The following BANP variants were observed in gnomAD, a reference collection of about 807,000 sequenced individuals.
BANP encodes the protein BTG3 associated nuclear protein, also known as protein BANP.
BANP carries 11 observed loss-of-function variants against 68.1 expected under a neutral mutation model. The observed-to-expected ratio is 0.16, with a 90% confidence interval of 0.10 to 0.27. The LOEUF (loss-of-function observed/expected upper bound fraction) is 0.27. Ranked by LOEUF, BANP falls within the 10% of genes least tolerant of loss-of-function variation. BANP has a pLI of 1.00. For synonymous variants in BANP, 329 were observed against 303.2 expected (o/e 1.09, Z -0.88); for missense variants, 504 against 722.7 (o/e 0.70, Z 3.47).
intron 11 of BANP, among the ~76,000 whole-genome samples, chr16:88,060,923 G>T (rs952253437): frequency 2.2e-5 from 3 of 138,274 alleles, no homozygotes; most frequent in African/African-American, 7.9e-5. Context: ...AGCGCCACAG[G>T]CCTCGGGGTG....
At chr16:88,056,350 A>G (rs1445385461) in intron 11 of BANP, among the ~76,000 whole-genome samples, 1 of 152,206 alleles carries the variant, frequency 6.6e-6, no homozygotes, top group Non-Finnish European at 1.5e-5. Flanking sequence ...TTTTTGTCCC[A>G]TTGAATTTCT....
intron 6 of BANP, among the ~76,000 whole-genome samples, chr16:88,012,883 G>A (rs2073536405): frequency 6.6e-6 from 1 of 152,130 alleles, no homozygotes; most frequent in Non-Finnish European, 1.5e-5. Flanking sequence ...ATTCACTGTG[G>A]TCTGACAGTA....
rs190733858 is a variant in BANP at position 88,038,582 on chromosome 16, G to C, written c.1311+571G>C. ...TAGAAAAAGGTGGTTTCGCTCCTGTGTATTGCCGTCAAACTCACAAACTTG... is the reference window on the plus strand; with the variant it reads ...TAGAAAAAGGTGGTTTCGCTCCTGTCTATTGCCGTCAAACTCACAAACTTG... On this transcript the variant is annotated intron_variant, in intron 11 of 13. Transcript: ENST00000682872. Among the ~76,000 whole-genome samples, 14 of 151,936 alleles carry C rather than the reference G, an allele frequency of 9.2e-5. No homozygotes were observed. In the East Asian group the frequency reaches 2.7e-3, roughly 30 times the overall value.
intron 4 of BANP, among the ~76,000 whole-genome samples, chr16:87,991,406 A>T (rs2065874529): frequency 6.6e-6 from 1 of 152,218 alleles, no homozygotes; most frequent in African/African-American, 2.4e-5. Flanking sequence ...ACATTCTAAT[A>T]ATTTGGAGCA....
rs2091701012 is a variant in BANP at position 88,076,836 on chromosome 16, G to A, written c.*175G>A. The A allele has an allele frequency of 8.5e-6, 5 of 588,158 alleles. No homozygotes were observed. The highest frequency in any genetic ancestry group is 4.3e-5 in the South Asian group (2 of 46,570). 36.4% of individuals were successfully genotyped at this position (588,158 alleles called of 1,614,324 possible). On this transcript the variant is annotated 3_prime_UTR_variant, in exon 14 of 14. Transcript: ENST00000682872. ...CCTATCAACTGAAAGAGCAGCCGCC[G>A]CCGCCCCCAGCCGGAGACCCCTTTC...
At chr16:87,981,299 G>A (rs369795049) in intron 3 of BANP, among the ~76,000 whole-genome samples, 172 bp downstream of exon 3, 69 of 152,318 alleles carry the variant, frequency 4.5e-4, no homozygotes, top group African/African-American at 1.6e-3. Context: ...GTTCTAGAAG[G>A]TGGATCCTTC....
chr16:88,061,988 G>C lies in BANP; in HGVS notation c.1312-3279G>C, dbSNP rs567409171. Among the ~76,000 whole-genome samples, 13 of 152,320 alleles carry C rather than the reference G, an allele frequency of 8.5e-5. No homozygotes were observed. In the South Asian group the frequency reaches 1.9e-3, roughly 22 times the overall value. ...CACCTCATTTTTCTAGTATGAGGAA[G>C]CTTCTTTGAAGTGAACATCTAGATT... On this transcript the variant is annotated intron_variant, in intron 11 of 13. Coordinates refer to ENST00000682872, the MANE Select transcript of BANP (RefSeq NM_001386991.1).
intron 11 of BANP, among the ~76,000 whole-genome samples, chr16:88,048,511 C>T (rs529132768): frequency 7.2e-5 from 11 of 151,934 alleles, no homozygotes; most frequent in East Asian, 3.9e-4. Context: ...GCGCTCACCA[C>T]GGATTAAAGA....
At chr16:87,963,641 C>G (rs1028356787) in intron 1 of BANP, among the ~76,000 whole-genome samples, 1 of 152,196 alleles carries the variant, frequency 6.6e-6, no homozygotes, top group African/African-American at 2.4e-5. Flanking sequence ...TGAAGAATGT[C>G]TGCCCTAAAA....
At chr16:88,020,413 C>T (rs1235785888) in intron 7 of BANP, among the ~76,000 whole-genome samples, 8 of 152,208 alleles carry the variant, frequency 5.3e-5, no homozygotes, top group Non-Finnish European at 1.0e-4. Context: ...GCTTGAAACC[C>T]GGGGGTTGCT....
At chr16:87,973,206 C>T (rs144234913) in intron 1 of BANP, among the ~76,000 whole-genome samples, 4 of 151,900 alleles carry the variant, frequency 2.6e-5, no homozygotes, top group East Asian at 1.9e-4. Flanking sequence ...AGAGGTTCAG[C>T]GCTGGTGCCT....
chr16:88,019,067 GCCT>G (rs1243755666), intron 7 of BANP, among the ~76,000 whole-genome samples: 1 of 152,168 alleles, frequency 6.6e-6, no homozygotes, highest in African/African-American at 2.4e-5. Flanking sequence ...AGTGCCACCT[GCCT>G]CCTTCCTTCT....
chr16:87,977,794 A>T (rs1398653923), intron 2 of BANP, among the ~76,000 whole-genome samples: 1 of 152,150 alleles, frequency 6.6e-6, no homozygotes, highest in Non-Finnish European at 1.5e-5. Flanking sequence ...TGAATGCAAA[A>T]ATTGTGACTT....
intron 12 of BANP, among the ~76,000 whole-genome samples, chr16:88,067,270 G>A (rs1244908779): frequency 2.6e-5 from 4 of 152,136 alleles, no homozygotes; most frequent in Non-Finnish European, 4.4e-5. Context: ...GAGCCGCTGG[G>A]CTGGGTGTGG....
intron 11 of BANP, among the ~76,000 whole-genome samples, chr16:88,047,782 G>A (rs1010123148): frequency 2.0e-5 from 3 of 152,226 alleles, no homozygotes; most frequent in Admixed American, 6.5e-5. Context: ...AGCTAGGAAT[G>A]TGGTACATAG....
chr16:87,991,176 C>T (rs367725821), intron 4 of BANP, among the ~76,000 whole-genome samples: 1 of 152,036 alleles, frequency 6.6e-6, no homozygotes, highest in Non-Finnish European at 1.5e-5. Context: ...TTCACATAAT[C>T]GTATGATACA....
At chr16:88,063,381 C>G (rs147693832) in intron 11 of BANP, among the ~76,000 whole-genome samples, 11 of 152,198 alleles carry the variant, frequency 7.2e-5, no homozygotes, top group African/African-American at 2.4e-4. Context: ...CCACGTGGCC[C>G]GGCTCAGCGC....
At chr16:87,972,259 G>A (rs1445680506) in intron 1 of BANP, among the ~76,000 whole-genome samples, 1 of 151,674 alleles carries the variant, frequency 6.6e-6, no homozygotes, top group African/African-American at 2.4e-5. Context: ...TTGTTCTAAG[G>A]TTCTTCTAGT....
intron 4 of BANP, among the ~76,000 whole-genome samples, chr16:87,990,775 T>A (rs1330437386): frequency 6.6e-6 from 1 of 152,184 alleles, no homozygotes; most frequent in Non-Finnish European, 1.5e-5. Context: ...TTTTGTTTTG[T>A]TTTTTGAGAT....
Sources: allele counts gnomAD v4.1 joint callset (sites outside exome capture counted in the v4.1 genomes callset), GRCh38; gene constraint gnomAD v4.1.1; transcripts MANE v1.5; gene names NCBI Gene and HGNC (gene_info 2026-07-23, HGNC 2026-07-21).